QRICH2: variants seen among roughly 807,000 people sequenced by gnomAD.
QRICH2 encodes the protein glutamine rich 2, also known as glutamine-rich protein 2.
A neutral mutation model predicts 168.3 loss-of-function variants in QRICH2; 119 were observed. That is an observed-to-expected ratio of 0.71 (90% CI 0.61 to 0.82). QRICH2 has a LOEUF of 0.82. Ranked by LOEUF, QRICH2 falls within the 40% of genes least tolerant of loss-of-function variation. QRICH2 has a pLI of 0.00. For missense variants in QRICH2, 2,241 were observed against 2,491.6 expected, an observed-to-expected ratio of 0.90 and a Z score of 2.14; for synonymous variants, 894 against 951.2, an observed-to-expected ratio of 0.94 and a Z score of 1.11.
At position 76,291,020 on chromosome 17, in the gene QRICH2, T is replaced by C; in HGVS notation, c.3707A>G (p.Gln1236Arg). 1 of 1,609,890 alleles carries C rather than the reference T, an allele frequency of 6.2e-7. No individual in the cohort carries two copies. Among genetic ancestry groups the C allele is most frequent in the Non-Finnish European group, 8.5e-7 (1 of 1,176,444 alleles). ...DLEKIQFLLA[Q>R]MVKRTIPPEL... is the part of the protein sequence containing the mutation. ...TATCGGCAAGCGGCACCCACCCATCTGTGCCAGCAGGAACTGGATCTTCTC... is the reference window on the plus strand; with the variant it reads ...TATCGGCAAGCGGCACCCACCCATCCGTGCCAGCAGGAACTGGATCTTCTC... Residue 1236 changes from glutamine to arginine, a missense_variant, in exon 4 of 19, where the codon CAG becomes CGG. Transcript: ENST00000680821.
At chr17:76,278,906 C>A in intron 14 of QRICH2, 135 bp downstream of exon 14, 1 of 764,584 alleles carries the variant, frequency 1.3e-6, no homozygotes, top group South Asian at 1.5e-5. Context: ...AAGGAGGAGG[C>A]TCTCCACACT....
intron 3 of QRICH2, 23 bp downstream of exon 3, chr17:76,304,392 G>A (rs779990375): frequency 1.0e-5 from 16 of 1,550,678 alleles, no homozygotes; most frequent in Admixed American, 8.4e-5. Context: ...CCAAGACCAC[G>A]GCCCAGGCCC....
In QRICH2 at chr17:76,293,558, C is replaced by T. The variant is rs143922922; in HGVS notation, c.1169G>A (p.Arg390His). The change falls in exon 4 of 19, where the codon CGT (arginine) becomes CAT (histidine). Residue 390 changes from arginine (R) to histidine (H), a missense_variant. By Grantham distance (29) the Arg-to-His change is conservative (BLOSUM62 0). Around this residue, in one of 3 missense-constraint regions of QRICH2, gnomAD observed 2,047 missense variants for 2,303.8 expected, o/e 0.89. Transcript: ENST00000680821. ...QSQVHLRPDR[R>H]GLEPTGMNQP... Reference sequence around the variant, plus strand: ...ATTCATGCCAGTTGGTTCTAACCCACGACGATCTGGCCTTAGATGGACCTG... The same window carrying T: ...ATTCATGCCAGTTGGTTCTAACCCATGACGATCTGGCCTTAGATGGACCTG... 71 of 1,614,208 alleles carry T rather than the reference C, an allele frequency of 4.4e-5. No homozygotes were observed. The highest frequency in any genetic ancestry group is 2.8e-4 in the Admixed American group (17 of 60,022).
chr17:76,303,114 A>C (rs1294771551), intron 3 of QRICH2, among the ~76,000 whole-genome samples: 1 of 151,866 alleles, frequency 6.6e-6, no homozygotes, highest in East Asian at 1.9e-4. Context: ...GAACTCCTGA[A>C]CGCAAGTGAT....
intron 3 of QRICH2, among the ~76,000 whole-genome samples, chr17:76,298,475 G>A (rs945951001): frequency 2.6e-5 from 4 of 151,996 alleles, no homozygotes; most frequent in African/African-American, 9.7e-5. Context: ...CACTGCCCCC[G>A]GCCACGTGAC....
At chr17:76,303,637 G>A (rs2070940396) in intron 3 of QRICH2, among the ~76,000 whole-genome samples, 1 of 151,868 alleles carries the variant, frequency 6.6e-6, no homozygotes. Context: ...TTGGGAGGCC[G>A]AGGCGGGCGG....
intron 3 of QRICH2, among the ~76,000 whole-genome samples, chr17:76,297,313 C>G (rs2070813030): frequency 6.6e-6 from 1 of 152,128 alleles, no homozygotes; most frequent in African/African-American, 2.4e-5. Flanking sequence ...TCGGAACCAG[C>G]CTGGCCAACA....
At position 76,293,495 on chromosome 17, in the gene QRICH2, C is replaced by T; in HGVS notation, c.1232G>A (p.Gly411Asp). The T allele has an allele frequency of 6.2e-7, 1 of 1,614,198 alleles. No individual in the cohort carries two copies. Among genetic ancestry groups the T allele is most frequent in the Non-Finnish European group, 8.5e-7 (1 of 1,180,028 alleles). Residue 411 changes from glycine (G) to aspartate (D), a missense_variant, in exon 4 of 19, where the codon GGT becomes GAT. By Grantham distance (94) the Gly-to-Asp change is moderately conservative. Around this residue, in one of 3 missense-constraint regions of QRICH2, gnomAD observed 2,047 missense variants for 2,303.8 expected, o/e 0.89. Transcript: ENST00000680821. The stretch of plus-strand genomic sequence containing the variant: ...CTGACCCATGCTGAGGGGTACCACA[C>T]CATGTGGGTAAGTGCTAGCAGGCAC... ...GLVPASTYPH[G>D]VVPLSMGQLG...
At chr17:76,306,051 T>A (rs1366274218) in intron 1 of QRICH2, among the ~76,000 whole-genome samples, 1 of 150,000 alleles carries the variant, frequency 6.7e-6, no homozygotes, top group Non-Finnish European at 1.5e-5. Context: ...GCACCTATAA[T>A]CCTAGCTACT....
At position 76,291,416 on chromosome 17, in the gene QRICH2, T is replaced by C. The variant is rs750167625; in HGVS notation, c.3311A>G (p.Asp1104Gly). The stretch of plus-strand genomic sequence containing the variant: ...ACCAGGATACATTGAATCATGACTG[T>C]CAAAGAGAGAGAAAGCATGGCCATG... ...AQHGHAFSLF[D>G]SHDSMYPGYR... is the part of the protein sequence containing the mutation. Residue 1104 changes from aspartate (D) to glycine (G), a missense_variant, in exon 4 of 19, where the codon GAC becomes GGC. Asp to Gly is a moderately conservative substitution (Grantham distance 94). Coordinates refer to ENST00000680821, the MANE Select transcript of QRICH2 (RefSeq NM_001388453.1). 2.5e-6 allele frequency: 4 copies of C among 1,613,860 alleles called. No individual in the cohort carries two copies. Among genetic ancestry groups the C allele is most frequent in the African/African-American group, 1.3e-5 (1 of 74,866 alleles).
Position 76,275,933 on chromosome 17 carries a change from T to C in QRICH2, c.5368A>G (p.Lys1790Glu), listed in dbSNP as rs749105070. Residue 1790 changes from lysine (K) to glutamate (E), a missense_variant, in exon 18 of 19, where the codon AAG becomes GAG. Lys to Glu is a moderately conservative substitution (Grantham distance 56). Around this residue, in one of 3 missense-constraint regions of QRICH2, gnomAD observed 189 missense variants for 169.3 expected, o/e 1.12. Transcript: ENST00000680821. ...GGCCTGGGCTGCTGGGACTTGCGCT[T>C]TGAGGTCCCTGAGCCTGATGGGGGA... ...ILRKDSSGTS[K>E]RKSQQPRPHV... 6.2e-7 allele frequency: 1 copy of C among 1,608,036 alleles called. No individual in the cohort carries two copies. Among genetic ancestry groups the C allele is most frequent in the African/African-American group, 1.3e-5 (1 of 74,978 alleles).
At chr17:76,276,878 G>T in intron 16 of QRICH2, 111 bp from the exon 17 acceptor site, 1 of 844,670 alleles carries the variant, frequency 1.2e-6, no homozygotes, top group Non-Finnish European at 1.8e-6. Context: ...CTCCTGGGGG[G>T]CTCTGGGAGG....
chr17:76,290,025 C>T lies in QRICH2; in HGVS notation c.3765G>A (p.Thr1255=), dbSNP rs4789274. 505,359 of 1,605,090 alleles carry T rather than the reference C, an allele frequency of 0.31. 86,431 individuals are homozygous for T. Among genetic ancestry groups the T allele is most frequent in the East Asian group, 0.61 (27,340 of 44,594 alleles). Residue 1255 remains threonine (T), a synonymous_variant, in exon 5 of 19, where the codon ACG becomes ACA. Coordinates refer to ENST00000680821, the MANE Select transcript of QRICH2 (RefSeq NM_001388453.1). ...TCTCCTGCCAAACTTCTTTGGCTAG[C>T]GTCTTTACGGTCTTCAGCTGCTCCT... ...ELQEQLKTVK[T]LAKEVWQEKA...
chr17:76,308,303 G>T (rs1205715165), upstream of QRICH2: 22 of 985,434 alleles, frequency 2.2e-5, no homozygotes, highest in Admixed American at 2.5e-4. Flanking sequence ...CGCGTGCCCT[G>T]AAGATTCCAC....
chr17:76,274,603 T>A (rs1334467532), intron 18 of QRICH2, among the ~76,000 whole-genome samples: 1 of 152,166 alleles, frequency 6.6e-6, no homozygotes, highest in Non-Finnish European at 1.5e-5. Context: ...TACCAGTCCC[T>A]CTCTCCTGCT....
chr17:76,276,171 G>A (rs1598474164), intron 17 of QRICH2, among the ~76,000 whole-genome samples: 1 of 136,480 alleles, frequency 7.3e-6, no homozygotes, highest in African/African-American at 3.0e-5. Flanking sequence ...ACCTGCACAC[G>A]TCAGCCCTGT....
In QRICH2 at chr17:76,294,022, CTGGT is replaced by C; in HGVS notation, c.706-5_706-2del. On this transcript the variant is annotated splice_acceptor_variant and splice_polypyrimidine_tract_variant and intron_variant, in intron 3 of 18. Transcript: ENST00000680821. LOFTEE classifies it high-confidence loss of function. ...AAAATCCCATAAGTGTTTCTGAGCCCTGGTTGGAGAGGAAGAAGGAAATCAATAA... is the reference window on the plus strand; with the variant it reads ...AAAATCCCATAAGTGTTTCTGAGCCCTGGAGAGGAAGAAGGAAATCAATAA... 1 of 1,590,380 alleles carries C rather than the reference CTGGT, an allele frequency of 6.3e-7. No homozygotes were observed. Among genetic ancestry groups the C allele is most frequent in the Non-Finnish European group, 8.6e-7 (1 of 1,166,662 alleles).
At chr17:76,297,486 G>A (rs941462070) in intron 3 of QRICH2, among the ~76,000 whole-genome samples, 3 of 150,522 alleles carry the variant, frequency 2.0e-5, no homozygotes, top group Admixed American at 6.6e-5. Context: ...CGGCCTGGGC[G>A]ACACAGCAAG....
Position 76,306,218 on chromosome 17 carries a change from A to G in QRICH2, c.534+1247T>C, listed in dbSNP as rs530988083. On this transcript the variant is annotated intron_variant, in intron 1 of 18. Transcript: ENST00000680821. ...ACCCAAAAAAATTAAAACAAAAAAA[A>G]CCCCCACCACACTTTAAAGTTTGAA... Among the ~76,000 whole-genome samples the G allele has an allele frequency of 1.2e-4, 18 of 151,572 alleles. 1 individual carries two copies. In the South Asian group the frequency reaches 1.3e-3, roughly 11 times the overall value.
Sources: gnomAD v4.1 joint callset for allele counts (sites outside exome capture counted in the v4.1 genomes callset) on GRCh38, gnomAD v4.1.1 for gene constraint, gnomAD v4.1.1 regional missense constraint, MANE v1.5 for transcripts, NCBI Gene and HGNC (gene_info 2026-07-23, HGNC 2026-07-21) for gene names.